NAA35: variants seen among roughly 807,000 people sequenced by gnomAD.
NAA35 encodes N-alpha-acetyltransferase 35, NatC auxiliary subunit, also known as MAK10 homolog, amino-acid N-acetyltransferase subunit.
NAA35 carries 18 observed loss-of-function variants against 101.7 expected under a neutral mutation model. The observed-to-expected ratio is 0.18, with a 90% CI of 0.12 to 0.26. The LOEUF (loss-of-function observed/expected upper bound fraction) is 0.26, where lower values mean the gene tolerates loss of function less well. Ranked by LOEUF, NAA35 falls within the 10% of genes least tolerant of loss-of-function variation. NAA35 has a pLI of 1.00. For missense variants in NAA35, 601 were observed against 886.8 expected, an observed-to-expected ratio of 0.68 and a Z score of 4.09; for synonymous variants, 267 against 273.1, an observed-to-expected ratio of 0.98 and a Z score of 0.22.
chr9:85,969,556 C>A (rs976058994), intron 6 of NAA35, among the ~76,000 whole-genome samples: 1 of 152,160 alleles, frequency 6.6e-6, no homozygotes, highest in Non-Finnish European at 1.5e-5. Context: ...TGCAAACGTG[C>A]TTTATATTCC....
intron 11 of NAA35, among the ~76,000 whole-genome samples, chr9:85,990,173 C>A (rs1013240221): frequency 1.3e-5 from 2 of 152,164 alleles, no homozygotes; most frequent in African/African-American, 2.4e-5. Flanking sequence ...GAAAGAGGGA[C>A]CAAACAGAAA....
At chr9:85,943,253 G>A (rs1465402865) in intron 2 of NAA35, among the ~76,000 whole-genome samples, 3 of 152,110 alleles carry the variant, frequency 2.0e-5, no homozygotes, top group African/African-American at 7.2e-5. Flanking sequence ...TTAAAGAGAG[G>A]ATGAGATCAA....
intron 2 of NAA35, among the ~76,000 whole-genome samples, chr9:85,952,281 G>GT (rs1482778374): frequency 1.7e-3 from 231 of 138,162 alleles, no homozygotes; most frequent in African/African-American, 5.9e-3. Context: ...TTGTGCAAGT[G>GT]TTTTTTGTTT....
intron 12 of NAA35, among the ~76,000 whole-genome samples, chr9:85,997,373 C>A (rs1831208740): frequency 6.6e-6 from 1 of 150,748 alleles, no homozygotes; most frequent in Non-Finnish European, 1.5e-5. Flanking sequence ...AGGGGGTTTC[C>A]CTCTGTTGCC....
intron 2 of NAA35, among the ~76,000 whole-genome samples, chr9:85,949,974 T>C (rs1828941739): frequency 6.6e-6 from 1 of 152,202 alleles, no homozygotes; most frequent in Non-Finnish European, 1.5e-5. Context: ...CTCTTGTTAG[T>C]ATACGGTGGA....
chr9:85,955,684 T>G (rs148329744), intron 2 of NAA35, among the ~76,000 whole-genome samples: 1 of 152,192 alleles, frequency 6.6e-6, no homozygotes, highest in Non-Finnish European at 1.5e-5. Flanking sequence ...TTAATCTACT[T>G]AGCATGTTAT....
intron 17 of NAA35, chr9:86,014,319 G>A (rs1374112682): frequency 2.2e-6 from 2 of 921,480 alleles, no homozygotes; most frequent in Non-Finnish European, 2.6e-6. Context: ...TCAAACCGTG[G>A]TGCTGAGGAT....
At chr9:85,964,271 T>C (rs555363274) in intron 6 of NAA35, among the ~76,000 whole-genome samples, 7 of 152,326 alleles carry the variant, frequency 4.6e-5, no homozygotes, top group Admixed American at 1.3e-4. Context: ...TTTTCACTTA[T>C]GCGCGTGCTC....
At chr9:85,988,846 A>G (rs1830772641) in intron 11 of NAA35, among the ~76,000 whole-genome samples, 1 of 152,094 alleles carries the variant, frequency 6.6e-6, no homozygotes, top group African/African-American at 2.4e-5. Context: ...AAACTAAGCG[A>G]AGCAGAAGTG....
At chr9:85,945,739 TCGATCTCCTGACCTCGTGATC>T (rs919290619) in intron 2 of NAA35, among the ~76,000 whole-genome samples, 1 of 152,126 alleles carries the variant, frequency 6.6e-6, no homozygotes, top group Admixed American at 6.5e-5. Context: ...CAGGATGGTC[TCGATCTCCTGACCTCGTGATC>T]CATCCACCTC....
chr9:85,974,707 A>G (rs1830138907), intron 6 of NAA35, among the ~76,000 whole-genome samples: 1 of 152,226 alleles, frequency 6.6e-6, no homozygotes, highest in African/African-American at 2.4e-5. Context: ...TTATATGGCA[A>G]GTGAACGTAT....
chr9:85,979,635 C>T (rs951311160), intron 11 of NAA35, among the ~76,000 whole-genome samples: 11 of 152,158 alleles, frequency 7.2e-5, no homozygotes, highest in Admixed American at 1.3e-4. Context: ...AGAGGAACTT[C>T]TACTTTGCTT....
intron 11 of NAA35, chr9:85,986,816 C>G (rs1564308399): frequency 4.2e-6 from 1 of 238,636 alleles, no homozygotes; most frequent in Non-Finnish European, 8.3e-6. Flanking sequence ...GTCTCGAACT[C>G]CTGACCTCAA....
chr9:86,006,730 A>G (rs1030587963), intron 13 of NAA35, among the ~76,000 whole-genome samples: 1 of 152,156 alleles, frequency 6.6e-6, no homozygotes, highest in Non-Finnish European at 1.5e-5. Context: ...CTTGATTGTG[A>G]GACTGATTTG....
intron 6 of NAA35, among the ~76,000 whole-genome samples, chr9:85,969,645 C>A (rs749273489): frequency 6.6e-6 from 1 of 151,696 alleles, no homozygotes. Context: ...CAGCCAGATC[C>A]TTTTTAAAAG....
In NAA35 at chr9:86,018,799, A is replaced by G. The variant is rs956389575; in HGVS notation, c.2015A>G (p.Asn672Ser). The G allele has an allele frequency of 9.9e-6, 16 of 1,614,102 alleles. No homozygotes were observed. Among genetic ancestry groups the G allele is most frequent in the Non-Finnish European group, 1.4e-5 (16 of 1,180,006 alleles). Residue 672 changes from asparagine to serine, a missense_variant, in exon 21 of 23, where the codon AAT becomes AGT. Coordinates refer to ENST00000361671, the MANE Select transcript of NAA35 (RefSeq NM_024635.4). ...HFQQAKMILE[N>S]IPNPDHEVNR... ...CAACAGGCAAAAATGATATTGGAAA[A>G]TATTCCTAACCCGGACCATGAGGTG...
chr9:86,007,757 A>G (rs987835130), intron 14 of NAA35, among the ~76,000 whole-genome samples: 1 of 152,200 alleles, frequency 6.6e-6, no homozygotes, highest in African/African-American at 2.4e-5. Context: ...TCAGAGGCTG[A>G]AAGGATTGCA....
At chr9:85,977,473 A>G (rs372008795) in intron 10 of NAA35, 27 bp downstream of exon 10, 7 of 1,513,398 alleles carry the variant, frequency 4.6e-6, no homozygotes, top group Non-Finnish European at 6.4e-6. Flanking sequence ...TAATATGTCT[A>G]TTTGTTTTAG....
rs928164602 is a variant in NAA35, at chr9:86,012,726, C to T, written c.1291-320C>T. 3.9e-5 allele frequency among the ~76,000 whole-genome samples: 6 copies of T among 152,130 alleles called. No individual in the cohort carries two copies. In the South Asian group the frequency reaches 6.2e-4, roughly 16 times the overall value. ...TTTATAGCAGCACAGGAATGTCAGC[C>T]TTGAACATTGGCTTTTGACTCAAGC... On this transcript the variant is annotated intron_variant, in intron 15 of 22. Coordinates refer to ENST00000361671, the MANE Select transcript of NAA35 (RefSeq NM_024635.4).
Sources: allele counts gnomAD v4.1 joint callset (sites outside exome capture counted in the v4.1 genomes callset), GRCh38; gene constraint gnomAD v4.1.1; transcripts MANE v1.5; gene names NCBI Gene and HGNC (gene_info 2026-07-23, HGNC 2026-07-21).